Variants in RBFOX1 observed in about 807,000 individuals in gnomAD.
RBFOX1 encodes RNA binding fox-1 homolog 1.
In RBFOX1, 8 loss-of-function variants were observed where a neutral mutation model predicts 57.7. The observed-to-expected ratio is 0.14, with a 90% CI of 0.08 to 0.25. The LOEUF is 0.25. Ranked by LOEUF, RBFOX1 falls within the 10% of genes least tolerant of loss-of-function variation. The pLI, the probability that RBFOX1 is intolerant of heterozygous loss-of-function variation, is 1.00. For synonymous variants in RBFOX1, 326 were observed against 222.4 expected (o/e 1.47, Z -4.15); for missense variants, 611 against 548.5 (o/e 1.11, Z -1.14).
chr16:7,641,315 G>T (rs1341536387), intron 11 of RBFOX1, among the ~76,000 whole-genome samples: 1 of 152,192 alleles, frequency 6.6e-6, no homozygotes, highest in Admixed American at 6.5e-5. Context: ...AAGGGAAAAA[G>T]AGCCTGGTGT....
intron 1 of RBFOX1, among the ~76,000 whole-genome samples, chr16:5,295,083 A>T (rs903971119): frequency 4.0e-5 from 6 of 150,076 alleles, no homozygotes; most frequent in Non-Finnish European, 8.9e-5. Flanking sequence ...TCTCAGTAAA[A>T]CAAGAAAGCT....
chr16:7,399,865 A>T (rs1393550278), intron 4 of RBFOX1, among the ~76,000 whole-genome samples: 1 of 152,200 alleles, frequency 6.6e-6, no homozygotes, highest in Non-Finnish European at 1.5e-5. Context: ...TTTTATTGTG[A>T]ACTATCCTTG....
intron 3 of RBFOX1, among the ~76,000 whole-genome samples, chr16:6,770,547 A>G (rs1038180054): frequency 6.6e-6 from 1 of 152,164 alleles, no homozygotes. Context: ...TTTACGGAAG[A>G]TGTTCGTCAA....
intron 1 of RBFOX1, among the ~76,000 whole-genome samples, chr16:5,402,098 G>C (rs1346200498): frequency 6.6e-6 from 1 of 152,054 alleles, no homozygotes; most frequent in Non-Finnish European, 1.5e-5. Context: ...GAACAAGGGG[G>C]CATTTACCAG....
intron 3 of RBFOX1, among the ~76,000 whole-genome samples, chr16:6,989,997 G>A (rs1043809089): frequency 2.0e-5 from 3 of 152,038 alleles, no homozygotes; most frequent in Non-Finnish European, 4.4e-5. Context: ...GCGAGACTCT[G>A]TTTCACACAA....
Position 5,522,997 on chromosome 16 carries a change from C to CAAG in RBFOX1, c.258+55744_258+55745insAGA, listed in dbSNP as rs2044081307. Among the ~76,000 whole-genome samples, 7 of 123,800 alleles carry CAAG rather than the reference C, an allele frequency of 5.7e-5. No homozygotes were observed. In the Admixed American group the frequency reaches 5.8e-4, roughly 10 times the overall value. 81.2% of individuals were successfully genotyped at this position (123,800 alleles called of 152,430 possible). ...TGTTGTGAATAAAGTGCTGCAAAAT[C>CAAG]ATGGTGGGGGCTGGGCATTGTTACT... On this transcript the variant is annotated intron_variant, in intron 2 of 2. Coordinates refer to the RBFOX1 transcript ENST00000585867.
At chr16:5,714,147 C>G (rs1475910330) in intron 3 of RBFOX1, among the ~76,000 whole-genome samples, 3 of 152,184 alleles carry the variant, frequency 2.0e-5, no homozygotes, top group Non-Finnish European at 4.4e-5. Flanking sequence ...TATAAACATA[C>G]TTGGGATACC....
chr16:7,209,715 A>G (rs1295342437), intron 4 of RBFOX1, among the ~76,000 whole-genome samples: 1 of 152,178 alleles, frequency 6.6e-6, no homozygotes, highest in Non-Finnish European at 1.5e-5. Context: ...GCCTCCCTTC[A>G]CTGAGTGTAA....
chr16:6,463,869 G>A (rs945901833), intron 2 of RBFOX1, among the ~76,000 whole-genome samples: 4 of 152,030 alleles, frequency 2.6e-5, no homozygotes, highest in East Asian at 1.9e-4. Flanking sequence ...ACTAGCTCTC[G>A]CGCCCACCAT....
intron 4 of RBFOX1, among the ~76,000 whole-genome samples, chr16:7,359,717 G>C (rs1318849372): frequency 6.6e-6 from 1 of 152,186 alleles, no homozygotes; most frequent in Non-Finnish European, 1.5e-5. Context: ...TGGCATGGTG[G>C]CTTACCCCTG....
chr16:7,180,937 C>T (rs576318601), intron 4 of RBFOX1, among the ~76,000 whole-genome samples: 1 of 152,302 alleles, frequency 6.6e-6, no homozygotes, highest in South Asian at 2.1e-4. Flanking sequence ...GTGGACCATA[C>T]GGTCTGTGTC....
chr16:5,548,280 C>G (rs2045318081), intron 2 of RBFOX1, among the ~76,000 whole-genome samples: 1 of 148,062 alleles, frequency 6.8e-6, no homozygotes, highest in Admixed American at 6.8e-5. Flanking sequence ...GGGTACTATG[C>G]TCACTGCCTG....
intron 11 of RBFOX1, among the ~76,000 whole-genome samples, chr16:7,632,017 C>G (rs1052294411): frequency 1.3e-5 from 2 of 152,154 alleles, no homozygotes; most frequent in African/African-American, 2.4e-5. Context: ...TCAAGCAATT[C>G]TCATGACTCA....
At chr16:5,427,130 A>T (rs2067585556) in intron 1 of RBFOX1, among the ~76,000 whole-genome samples, 2 of 152,158 alleles carry the variant, frequency 1.3e-5, no homozygotes, top group African/African-American at 4.8e-5. Flanking sequence ...ATGTGTCCGC[A>T]GATGCTGTGT....
In RBFOX1 at chr16:6,684,375, C is replaced by T. The variant is rs1431502341; in HGVS notation, c.-16+29725C>T. On this transcript the variant is annotated intron_variant, in intron 3 of 15. Transcript: ENST00000550418. ...TTGATTTTGTAATTTTCCTGAGCAG[C>T]CATTGAGGGCAGATGTTTTCATCTT... is the stretch of plus-strand genomic sequence containing the variant. 2.6e-5 allele frequency among the ~76,000 whole-genome samples: 4 copies of T among 152,146 alleles called. No homozygotes were observed. In the South Asian group the frequency reaches 6.2e-4, roughly 24 times the overall value.
chr16:7,212,521 G>C (rs4265815), intron 4 of RBFOX1, among the ~76,000 whole-genome samples: 90,548 of 151,882 alleles, frequency 0.6, 27,568 homozygotes, highest in African/African-American at 0.71. Context: ...TTTCTCAACA[G>C]CACCAGAATA....
chr16:6,863,343 A>AC (rs1183541291), intron 3 of RBFOX1, among the ~76,000 whole-genome samples: 1 of 152,100 alleles, frequency 6.6e-6, no homozygotes, highest in Non-Finnish European at 1.5e-5. Flanking sequence ...AACGTGGCTC[A>AC]CCAGGAGGGT....
chr16:6,464,751 C>T (rs1168136527), intron 2 of RBFOX1, among the ~76,000 whole-genome samples: 2 of 152,212 alleles, frequency 1.3e-5, no homozygotes, highest in African/African-American at 2.4e-5. Flanking sequence ...ATATGCAAAA[C>T]ATTTAATTAC....
At chr16:6,765,134 G>A (rs1005511463) in intron 3 of RBFOX1, among the ~76,000 whole-genome samples, 9 of 152,014 alleles carry the variant, frequency 5.9e-5, no homozygotes, top group South Asian at 2.1e-4. Flanking sequence ...CAAGTAAAAC[G>A]ACAGGGAATC....
Sources: allele counts gnomAD v4.1 joint callset (sites outside exome capture counted in the v4.1 genomes callset), GRCh38; gene constraint gnomAD v4.1.1; transcripts MANE v1.5; gene names NCBI Gene and HGNC (gene_info 2026-07-23, HGNC 2026-07-21).